Variants in RBFOX1 observed in about 807,000 individuals in gnomAD.
The protein encoded by RBFOX1 is RNA binding protein fox-1 homolog 1.
A neutral mutation model predicts 57.7 loss-of-function variants in RBFOX1; 8 were observed. The observed-to-expected ratio is 0.14, with a 90% confidence interval of 0.08 to 0.25. RBFOX1 has a LOEUF of 0.25. RBFOX1 is among the 10% of genes least tolerant of loss of function. RBFOX1 has a pLI of 1.00. For synonymous variants in RBFOX1, 326 were observed against 222.4 expected, an observed-to-expected ratio of 1.47 and a Z score of -4.15; for missense variants, 611 against 548.5, an observed-to-expected ratio of 1.11 and a Z score of -1.14.
intron 3 of RBFOX1, among the ~76,000 whole-genome samples, chr16:6,900,626 C>A (rs572600781): frequency 6.6e-6 from 1 of 152,160 alleles, no homozygotes; most frequent in African/African-American, 2.4e-5. Flanking sequence ...AGATGCTATT[C>A]CCTCTGCCTG....
intron 3 of RBFOX1, among the ~76,000 whole-genome samples, chr16:6,768,600 T>C (rs2077758822): frequency 6.6e-6 from 1 of 151,902 alleles, no homozygotes; most frequent in South Asian, 2.1e-4. Context: ...AATACACATC[T>C]ACAAACATAT....
intron 5 of RBFOX1, among the ~76,000 whole-genome samples, chr16:7,522,687 C>T (rs899988702): frequency 2.0e-5 from 3 of 151,936 alleles, no homozygotes; most frequent in African/African-American, 4.8e-5. Flanking sequence ...AAGGTCCCTA[C>T]GTGGGGCACA....
At chr16:7,013,762 A>G (rs564205433) in intron 3 of RBFOX1, among the ~76,000 whole-genome samples, 7 of 151,962 alleles carry the variant, frequency 4.6e-5, no homozygotes, top group African/African-American at 1.7e-4. Context: ...GGCTCAAGCA[A>G]TCCTCTTATC....
At chr16:6,217,546 T>G (rs1314534109) in intron 1 of RBFOX1, among the ~76,000 whole-genome samples, 2 of 152,280 alleles carry the variant, frequency 1.3e-5, no homozygotes, top group Non-Finnish European at 2.9e-5. Flanking sequence ...CCTGCTCCTT[T>G]GCATCCAGAA....
intron 1 of RBFOX1, among the ~76,000 whole-genome samples, chr16:6,315,069 A>G (rs2080902391): frequency 6.6e-6 from 1 of 152,246 alleles, no homozygotes; most frequent in South Asian, 2.1e-4. Flanking sequence ...TAAACTTTTA[A>G]AAAGCACCGA....
At chr16:7,125,503 T>G (rs1652608994) in intron 4 of RBFOX1, among the ~76,000 whole-genome samples, 1 of 152,210 alleles carries the variant, frequency 6.6e-6, no homozygotes, top group Non-Finnish European at 1.5e-5. Context: ...GTTTGAAGTT[T>G]GTTCCTTCAG....
chr16:6,602,151 A>G (rs2097861010), intron 2 of RBFOX1, among the ~76,000 whole-genome samples: 1 of 151,546 alleles, frequency 6.6e-6, no homozygotes, highest in South Asian at 2.1e-4. Flanking sequence ...TCCTTTGCCC[A>G]TTTTTTAATT....
intron 7 of RBFOX1, among the ~76,000 whole-genome samples, chr16:7,591,425 G>A (rs1380125537): frequency 1.3e-5 from 2 of 151,836 alleles, no homozygotes; most frequent in Non-Finnish European, 2.9e-5. Context: ...GTATTTGCAT[G>A]AATGCAAAAA....
intron 3 of RBFOX1, among the ~76,000 whole-genome samples, chr16:5,617,049 A>G (rs928380070): frequency 6.6e-6 from 1 of 151,788 alleles, no homozygotes; most frequent in Non-Finnish European, 1.5e-5. Context: ...GCGGTTGCTG[A>G]GGGGTTGAAA....
chr16:5,486,999 CA>C, intron 2 of RBFOX1, among the ~76,000 whole-genome samples: 1 of 152,274 alleles, frequency 6.6e-6, no homozygotes, highest in East Asian at 1.9e-4. Flanking sequence ...GGCCTTTGCA[CA>C]AAGTGTCCTT....
At chr16:7,014,227 T>C (rs921226235) in intron 3 of RBFOX1, among the ~76,000 whole-genome samples, 1 of 151,374 alleles carries the variant, frequency 6.6e-6, no homozygotes, top group African/African-American at 2.4e-5. Flanking sequence ...TTGTTTGTTT[T>C]TGAAGTGGAG....
chr16:7,230,923 T>G (rs548689237), intron 4 of RBFOX1, among the ~76,000 whole-genome samples: 2 of 152,300 alleles, frequency 1.3e-5, no homozygotes, highest in South Asian at 4.1e-4. Flanking sequence ...TTACTGGTGT[T>G]AATTTTACCT....
At chr16:7,201,662 C>T (rs1567684331) in intron 4 of RBFOX1, among the ~76,000 whole-genome samples, 1 of 152,038 alleles carries the variant, frequency 6.6e-6, no homozygotes, top group Non-Finnish European at 1.5e-5. Flanking sequence ...TATGGTTTCA[C>T]CTTGTTGGCT....
At chr16:6,800,018 C>T (rs186986428) in intron 3 of RBFOX1, among the ~76,000 whole-genome samples, 119 of 152,154 alleles carry the variant, frequency 7.8e-4, no homozygotes, top group African/African-American at 2.8e-3. Context: ...TAGTTCTGTC[C>T]CTCTGGAGAA....
chr16:7,415,786 G>C (rs2098472280), intron 4 of RBFOX1, among the ~76,000 whole-genome samples: 1 of 151,522 alleles, frequency 6.6e-6, no homozygotes, highest in African/African-American at 2.4e-5. Flanking sequence ...GAAAATAAGA[G>C]TATATATATA....
At chr16:6,286,171 G>A (rs1270323071) in intron 1 of RBFOX1, among the ~76,000 whole-genome samples, 1 of 152,094 alleles carries the variant, frequency 6.6e-6, no homozygotes, top group Non-Finnish European at 1.5e-5. Context: ...CAGTGGGAGA[G>A]CTCGACTGAC....
chr16:7,610,105 T>G (rs1386963624), intron 10 of RBFOX1, among the ~76,000 whole-genome samples: 1 of 144,324 alleles, frequency 6.9e-6, no homozygotes. Context: ...TGTGAGCCAC[T>G]GCGCCCGGCC....
chr16:7,430,328 GATA>G (rs1172468304), intron 4 of RBFOX1, among the ~76,000 whole-genome samples: 1 of 152,142 alleles, frequency 6.6e-6, no homozygotes, highest in Non-Finnish European at 1.5e-5. Context: ...TCTTACTGCT[GATA>G]ATATTTTGAA....
chr16:7,061,440 TATG>T (rs1028158701), intron 4 of RBFOX1, among the ~76,000 whole-genome samples: 1 of 152,148 alleles, frequency 6.6e-6, no homozygotes, highest in African/African-American at 2.4e-5. Context: ...CATTGTGAAA[TATG>T]ATTAAATAAA....
Sources: allele counts gnomAD v4.1 joint callset (sites outside exome capture counted in the v4.1 genomes callset), GRCh38; gene constraint gnomAD v4.1.1; transcripts MANE v1.5; gene names NCBI Gene and HGNC (gene_info 2026-07-23, HGNC 2026-07-21).